The following COMMD10 variants were observed in gnomAD, a reference collection of about 807,000 sequenced individuals.
COMMD10 encodes COMM domain containing 10.
COMMD10 carries 33 observed loss-of-function variants against 28.9 expected under a neutral mutation model. The observed-to-expected ratio is 1.14, with a 90% CI of 0.87 to 1.53. COMMD10 has a LOEUF of 1.53. Ranked by LOEUF, COMMD10 falls within the 40% of genes most tolerant of loss-of-function variation. COMMD10 has a pLI of 0.00. For synonymous variants in COMMD10, 110 were observed against 81.7 expected, an observed-to-expected ratio of 1.35 and a Z score of -1.87; for missense variants, 310 against 233.4, an observed-to-expected ratio of 1.33 and a Z score of -2.14.
intron 5 of COMMD10, among the ~76,000 whole-genome samples, chr5:116,276,427 G>A (rs1007567981): frequency 6.6e-6 from 1 of 151,490 alleles, no homozygotes; most frequent in African/African-American, 2.4e-5. Flanking sequence ...AGTAGAGACA[G>A]GGTTTTACCA....
chr5:116,105,665 A>T (rs1750813173), intron 4 of COMMD10, among the ~76,000 whole-genome samples: 1 of 152,084 alleles, frequency 6.6e-6, no homozygotes. Flanking sequence ...AGGGATTCAA[A>T]TTCTTCCTGG....
intron 5 of COMMD10, among the ~76,000 whole-genome samples, chr5:116,148,501 A>G (rs2112547736): frequency 6.6e-6 from 1 of 152,030 alleles, no homozygotes; most frequent in East Asian, 1.9e-4. Flanking sequence ...AGTACCATAA[A>G]TATCCCAGGA....
intron 5 of COMMD10, among the ~76,000 whole-genome samples, chr5:116,277,809 C>T (rs1397852411): frequency 6.6e-6 from 1 of 151,902 alleles, no homozygotes; most frequent in African/African-American, 2.4e-5. Flanking sequence ...TAAGCCTGCA[C>T]ATGTTTTCAG....
intron 4 of COMMD10, among the ~76,000 whole-genome samples, chr5:116,106,910 A>G (rs1178912737): frequency 2.0e-5 from 3 of 152,154 alleles, no homozygotes; most frequent in Admixed American, 6.5e-5. Context: ...CAGCACACCA[A>G]TGAGTCTTGA....
intron 5 of COMMD10, among the ~76,000 whole-genome samples, chr5:116,169,511 C>T (rs1475026747): frequency 6.6e-6 from 1 of 152,122 alleles, no homozygotes; most frequent in Non-Finnish European, 1.5e-5. Flanking sequence ...TATCCTGATA[C>T]CAAAACCTGG....
intron 5 of COMMD10, among the ~76,000 whole-genome samples, chr5:116,149,610 T>C (rs1157197314): frequency 6.6e-6 from 1 of 151,408 alleles, no homozygotes. Flanking sequence ...TGGCCAGTGA[T>C]GGTGAGCATT....
intron 3 of COMMD10, among the ~76,000 whole-genome samples, chr5:116,091,512 GA>G (rs1750297500): frequency 6.6e-6 from 1 of 152,154 alleles, no homozygotes; most frequent in African/African-American, 2.4e-5. Context: ...AAGACATTTA[GA>G]AAAGAAGTAT....
chr5:116,231,951 T>C (rs1749540429), intron 5 of COMMD10, among the ~76,000 whole-genome samples: 1 of 152,150 alleles, frequency 6.6e-6, no homozygotes, highest in African/African-American at 2.4e-5. Context: ...ACTTCTGAAC[T>C]GAATGATACT....
intron 5 of COMMD10, among the ~76,000 whole-genome samples, chr5:116,140,229 C>CTGTGTG (rs113427747): frequency 0.051 from 6,252 of 122,260 alleles, 177 homozygotes; most frequent in East Asian, 0.14. Context: ...ACTCATACTA[C>CTGTGTG]TATGTGTGTG....
chr5:116,160,690 A>C (rs540327644), intron 5 of COMMD10, among the ~76,000 whole-genome samples: 1 of 152,310 alleles, frequency 6.6e-6, no homozygotes, highest in African/African-American at 2.4e-5. Context: ...TTTATTTTTA[A>C]AGCCTGTATA....
intron 5 of COMMD10, among the ~76,000 whole-genome samples, chr5:116,161,225 T>C (rs1752905632): frequency 6.6e-6 from 1 of 152,186 alleles, no homozygotes; most frequent in African/African-American, 2.4e-5. Flanking sequence ...GTTTAAATTC[T>C]TTCTCTGCTT....
intron 4 of COMMD10, among the ~76,000 whole-genome samples, chr5:116,095,080 T>C (rs1362930269): frequency 6.6e-6 from 1 of 152,152 alleles, no homozygotes; most frequent in African/African-American, 2.4e-5. Context: ...AAACATATAA[T>C]CAGAAGTAAT....
intron 5 of COMMD10, among the ~76,000 whole-genome samples, chr5:116,249,374 T>G (rs763504670): frequency 4.3e-4 from 65 of 151,974 alleles, no homozygotes; most frequent in Middle Eastern, 3.2e-3. Context: ...AAATCCAGTT[T>G]CGTAGAGCTC....
At chr5:116,100,407 T>A (rs1750619938) in intron 4 of COMMD10, among the ~76,000 whole-genome samples, 1 of 151,572 alleles carries the variant, frequency 6.6e-6, no homozygotes, top group African/African-American at 2.4e-5. Flanking sequence ...GCTAAGGAGC[T>A]ATTTTTCCTG....
At chr5:116,257,322 A>G (rs995115285) in intron 5 of COMMD10, among the ~76,000 whole-genome samples, 7 of 151,840 alleles carry the variant, frequency 4.6e-5, no homozygotes, top group Middle Eastern at 3.4e-3. Context: ...AAGGGCCTTT[A>G]TAGAGATTTT....
At chr5:116,121,050 A>T (rs1751413624) in intron 4 of COMMD10, among the ~76,000 whole-genome samples, 1 of 152,030 alleles carries the variant, frequency 6.6e-6, no homozygotes, top group Non-Finnish European at 1.5e-5. Context: ...TGTTACATAG[A>T]TATACATGTG....
chr5:116,289,152 G>T (rs1381230889), intron 5 of COMMD10, among the ~76,000 whole-genome samples: 1 of 151,668 alleles, frequency 6.6e-6, no homozygotes, highest in African/African-American at 2.4e-5. Flanking sequence ...AAAGTACTGG[G>T]ATTACAGATT....
At chr5:116,181,080 G>T (rs1359000691) in intron 5 of COMMD10, among the ~76,000 whole-genome samples, 1 of 152,072 alleles carries the variant, frequency 6.6e-6, no homozygotes, top group Non-Finnish European at 1.5e-5. Flanking sequence ...GGAGGTTGAA[G>T]CTGCAGTGAG....
At chr5:116,200,841 A>G (rs898225185) in intron 5 of COMMD10, among the ~76,000 whole-genome samples, 5 of 152,044 alleles carry the variant, frequency 3.3e-5, no homozygotes, top group Admixed American at 2.0e-4. Flanking sequence ...CATATTAATC[A>G]CAGTTGTTTT....
Sources: allele counts gnomAD v4.1 joint callset (sites outside exome capture counted in the v4.1 genomes callset), GRCh38; gene constraint gnomAD v4.1.1; transcripts MANE v1.5; gene names NCBI Gene and HGNC (gene_info 2026-07-23, HGNC 2026-07-21).